LINGO2: variants seen among roughly 807,000 people sequenced by gnomAD.
LINGO2 encodes the protein leucine-rich repeat and immunoglobulin-like domain-containing nogo receptor-interacting protein 2.
In LINGO2, 14 loss-of-function variants were observed where a neutral mutation model predicts 30.6. The ratio of observed to expected loss-of-function variants is 0.46; its 90% CI spans 0.30 to 0.72. LINGO2 has a LOEUF of 0.72. Among genes scored for constraint, LINGO2 ranks in the 30% least tolerant of loss-of-function variants. The pLI is 0.07. For missense variants in LINGO2, 729 were observed against 751.7 expected, an observed-to-expected ratio of 0.97 and a Z score of 0.35; for synonymous variants, 317 against 288.5, an observed-to-expected ratio of 1.10 and a Z score of -1.00.
At chr9:28,348,689 G>A in intron 3 of LINGO2, among the ~76,000 whole-genome samples, 1 of 151,904 alleles carries the variant, frequency 6.6e-6, no homozygotes, top group East Asian at 1.9e-4. Context: ...CTCCACCTCT[G>A]GGGGCAGGGC....
At chr9:28,719,447 G>A in the LINGO2 span, among the ~76,000 whole-genome samples, 5 of 151,960 alleles carry the variant, frequency 3.3e-5, no homozygotes, top group African/African-American at 1.2e-4. Flanking sequence ...TTGCAGCACT[G>A]CAGCAGCTCC....
chr9:28,557,530 C>A (rs1306451402), intron 1 of LINGO2, among the ~76,000 whole-genome samples: 4 of 151,940 alleles, frequency 2.6e-5, no homozygotes, highest in Non-Finnish European at 5.9e-5. Flanking sequence ...GAAATAGGAA[C>A]ACTTTTACAC....
the LINGO2 span, among the ~76,000 whole-genome samples, chr9:28,955,174 T>TAG: frequency 0.33 from 49,598 of 151,090 alleles, 8,174 homozygotes; most frequent in East Asian, 0.47. Context: ...AGAGTCGAAA[T>TAG]AGAGAGAGAG....
intron 5 of LINGO2, among the ~76,000 whole-genome samples, chr9:27,972,609 T>G (rs538607095): frequency 9.8e-5 from 15 of 152,314 alleles, no homozygotes; most frequent in South Asian, 8.3e-4. Context: ...GTCTATTTAC[T>G]GTAAGACCAA....
At chr9:28,332,405 C>T (rs1240383330) in intron 3 of LINGO2, among the ~76,000 whole-genome samples, 1 of 152,104 alleles carries the variant, frequency 6.6e-6, no homozygotes, top group Non-Finnish European at 1.5e-5. Context: ...TGGAAGGTTT[C>T]TCTGGAAGTG....
the LINGO2 span, among the ~76,000 whole-genome samples, chr9:28,871,409 A>T: frequency 6.6e-6 from 1 of 151,790 alleles, no homozygotes; most frequent in African/African-American, 2.4e-5. Context: ...ATTTTTAGGA[A>T]ATAGGAATGG....
intron 1 of LINGO2, among the ~76,000 whole-genome samples, chr9:28,667,734 C>T (rs1282091858): frequency 6.6e-6 from 1 of 152,004 alleles, no homozygotes; most frequent in East Asian, 1.9e-4. Context: ...ACAGAGTGAG[C>T]CTCTGTCAAA....
chr9:28,306,067 T>G (rs986953968), intron 3 of LINGO2, among the ~76,000 whole-genome samples: 2 of 152,204 alleles, frequency 1.3e-5, no homozygotes, highest in Admixed American at 1.3e-4. Flanking sequence ...GATCAATTTA[T>G]GAATTATTTT....
At chr9:28,533,310 C>A (rs1420287451) in intron 1 of LINGO2, among the ~76,000 whole-genome samples, 1 of 152,064 alleles carries the variant, frequency 6.6e-6, no homozygotes, top group African/African-American at 2.4e-5. Flanking sequence ...AAGGCTGCAC[C>A]GTCCGCTTCC....
At position 28,484,873 on chromosome 9, in the gene LINGO2, G is replaced by T. The variant is rs914257385; in HGVS notation, c.-364-8848C>A. Among the ~76,000 whole-genome samples the T allele has an allele frequency of 2.6e-5, 4 of 152,088 alleles. No individual in the cohort carries two copies. The South Asian group carries it at 8.3e-4, about 31-fold the overall frequency. On this transcript the variant is annotated intron_variant, in intron 1 of 5. Coordinates refer to ENST00000379992, the Ensembl canonical transcript of LINGO2. ...TACAGGGTGTTGTGAGCAACCCACA[G>T]ACAACACTTCAATCAATTGTCTGTT... is the stretch of plus-strand genomic sequence containing the variant.
intron 1 of LINGO2, among the ~76,000 whole-genome samples, chr9:28,570,623 C>G (rs945198693): frequency 1.3e-5 from 2 of 148,472 alleles, no homozygotes; most frequent in Admixed American, 1.3e-4. Context: ...AAAAAAACAC[C>G]GTGTGATTGA....
Position 28,095,643 on chromosome 9 carries a change from G to A in LINGO2, c.-86-83238C>T, listed in dbSNP as rs150984576. Among the ~76,000 whole-genome samples the A allele has an allele frequency of 9.9e-3, 1,499 of 152,110 alleles. 20 individuals are homozygous for A. The highest frequency in any genetic ancestry group is 0.034 in the African/African-American group (1,423 of 41,482). ...CCTAGGCATTACCATTCAGGACATA[G>A]GCATGGGCAAGGACTTCATGTCTAA... On this transcript the variant is annotated intron_variant, in intron 4 of 5. Coordinates refer to ENST00000379992, the Ensembl canonical transcript of LINGO2.
At chr9:28,492,146 T>C (rs1190403020) in intron 1 of LINGO2, among the ~76,000 whole-genome samples, 2 of 152,172 alleles carry the variant, frequency 1.3e-5, no homozygotes, top group Non-Finnish European at 2.9e-5. Flanking sequence ...TGATTCCTAA[T>C]AGAAAAAGAT....
In LINGO2 at chr9:28,489,257, T is replaced by C. The variant is rs139037989; in HGVS notation, c.-364-13232A>G. On this transcript the variant is annotated intron_variant, in intron 1 of 5. Transcript: ENST00000379992. Reference sequence around the variant, plus strand: ...CTTCTACAATTCACTGCAACCTCCATCTCCGGGTTTCAAGAGATTCTCCTG... The same window carrying C: ...CTTCTACAATTCACTGCAACCTCCACCTCCGGGTTTCAAGAGATTCTCCTG... Among the ~76,000 whole-genome samples the C allele has an allele frequency of 3.8e-4, 58 of 152,148 alleles. 1 individual carries two copies. In the East Asian group the frequency reaches 9.6e-3, roughly 25 times the overall value.
chr9:28,059,087 A>G (rs948498868), intron 4 of LINGO2, among the ~76,000 whole-genome samples: 5 of 152,068 alleles, frequency 3.3e-5, no homozygotes, highest in African/African-American at 9.7e-5. Context: ...GAGTGTTGGG[A>G]GGGAAACTGA....
intron 5 of LINGO2, among the ~76,000 whole-genome samples, chr9:28,011,460 A>G (rs983391050): frequency 1.3e-5 from 2 of 152,312 alleles, no homozygotes; most frequent in African/African-American, 4.8e-5. Flanking sequence ...AGAGTAGCTG[A>G]GTAACTTTTA....
chr9:29,165,621 A>G, the LINGO2 span, among the ~76,000 whole-genome samples: 1 of 152,180 alleles, frequency 6.6e-6, no homozygotes, highest in Non-Finnish European at 1.5e-5. Context: ...TACTAGGACT[A>G]TAAAATAGGA....
chr9:28,048,255 A>G (rs1193149763), intron 4 of LINGO2, among the ~76,000 whole-genome samples: 1 of 151,040 alleles, frequency 6.6e-6, no homozygotes, highest in Non-Finnish European at 1.5e-5. Flanking sequence ...CTCGGGAAAC[A>G]CATTGCCCCA....
At chr9:28,625,993 A>C (rs911150053) in intron 1 of LINGO2, among the ~76,000 whole-genome samples, 2 of 140,812 alleles carry the variant, frequency 1.4e-5, no homozygotes, top group East Asian at 4.0e-4. Context: ...ACTTTACTAA[A>C]ACAAAACAAA....
Sources: gnomAD v4.1 joint callset for allele counts (sites outside exome capture counted in the v4.1 genomes callset) on GRCh38, gnomAD v4.1.1 for gene constraint, MANE v1.5 for transcripts, NCBI Gene and HGNC (gene_info 2026-07-23, HGNC 2026-07-21) for gene names.